Variants in KMT2C observed in about 807,000 individuals in gnomAD.
KMT2C encodes histone-lysine N-methyltransferase 2C.
Under a neutral mutation model 507.9 loss-of-function variants are expected in KMT2C, and 88 were observed. The observed-to-expected ratio is 0.17, with a 90% confidence interval of 0.15 to 0.21. KMT2C has a LOEUF of 0.21. Ranked by LOEUF, KMT2C falls within the 10% of genes least tolerant of loss-of-function variation. The pLI is 1.00. For missense variants in KMT2C, 4,954 were observed against 5,957.8 expected, an observed-to-expected ratio of 0.83 and a Z score of 5.55; for synonymous variants, 2,049 against 2,080.8, an observed-to-expected ratio of 0.98 and a Z score of 0.42.
intron 1 of KMT2C, among the ~76,000 whole-genome samples, chr7:152,383,449 T>C (rs973958993): frequency 1.3e-5 from 2 of 152,156 alleles, no homozygotes; most frequent in Non-Finnish European, 2.9e-5. Context: ...CACTTTGACA[T>C]AGGCTGAACC....
At chr7:152,239,743 TAAAAG>T (rs2095349942) in intron 14 of KMT2C, among the ~76,000 whole-genome samples, 1 of 152,032 alleles carries the variant, frequency 6.6e-6, no homozygotes, top group Non-Finnish European at 1.5e-5. Context: ...TGTCAAACAA[TAAAAG>T]AATATATTTT....
intron 2 of KMT2C, among the ~76,000 whole-genome samples, chr7:152,341,855 G>A (rs2096996780): frequency 6.6e-6 from 1 of 152,182 alleles, no homozygotes; most frequent in East Asian, 1.9e-4. Flanking sequence ...AATCTGTTGT[G>A]AATTAGCAGC....
At chr7:152,204,532 G>A (rs2094239472) in intron 25 of KMT2C, among the ~76,000 whole-genome samples, 1 of 152,006 alleles carries the variant, frequency 6.6e-6, no homozygotes, top group African/African-American at 2.4e-5. Context: ...AGGAGTGCAA[G>A]GCTGCAGTGA....
intron 15 of KMT2C, among the ~76,000 whole-genome samples, chr7:152,237,493 GTTTT>G (rs1301136534): frequency 4.6e-5 from 4 of 86,808 alleles, no homozygotes; most frequent in Admixed American, 1.2e-4. Context: ...TTTTTTGGGG[GTTTT>G]TTTTGTTTGT....
chr7:152,324,285 G>T (rs2096803511), intron 3 of KMT2C, among the ~76,000 whole-genome samples: 1 of 148,298 alleles, frequency 6.7e-6, no homozygotes, highest in South Asian at 2.3e-4. Context: ...AAAAGTAATG[G>T]CAAAAACCGC....
At chr7:152,226,496 T>C (rs1258331463) in intron 18 of KMT2C, among the ~76,000 whole-genome samples, 1 of 152,248 alleles carries the variant, frequency 6.6e-6, no homozygotes, top group East Asian at 1.9e-4. Flanking sequence ...CCTCCCAAAG[T>C]GCTGGGATGA....
At chr7:152,182,660 GA>G (rs2093471522) in intron 35 of KMT2C, 66 bp from the exon 36 acceptor site, 14 of 1,379,588 alleles carry the variant, frequency 1.0e-5, no homozygotes, top group African/African-American at 2.9e-5. Flanking sequence ...ATCATGGGGG[GA>G]AAAAGCAACA....
intron 31 of KMT2C, 76 bp from the exon 32 acceptor site, chr7:152,187,923 C>G (rs569873408): frequency 6.9e-7 from 1 of 1,448,888 alleles, no homozygotes; most frequent in East Asian, 2.3e-5. Context: ...GGCCCTTGAA[C>G]AACATGGTTT....
At chr7:152,262,665 A>G (rs2095799460) in intron 9 of KMT2C, among the ~76,000 whole-genome samples, 1 of 152,272 alleles carries the variant, frequency 6.6e-6, no homozygotes, top group African/African-American at 2.4e-5. Flanking sequence ...CAAAATAATT[A>G]CACTGAGTTA....
chr7:152,151,040 A>T (rs773796163), intron 50 of KMT2C, 33 bp from the exon 51 acceptor site: 3 of 1,287,262 alleles, frequency 2.3e-6, no homozygotes, highest in Non-Finnish European at 3.3e-6. Context: ...TGGGAATCTC[A>T]ACAAGTCAAA....
chr7:152,318,673 T>C (rs1308602693), intron 3 of KMT2C, among the ~76,000 whole-genome samples: 1 of 134,562 alleles, frequency 7.4e-6, no homozygotes, highest in Non-Finnish European at 1.6e-5. Flanking sequence ...GTTGGAAGTA[T>C]AAACACAAAT....
At chr7:152,400,578 A>G (rs2097566462) in intron 1 of KMT2C, among the ~76,000 whole-genome samples, 1 of 152,238 alleles carries the variant, frequency 6.6e-6, no homozygotes, top group African/African-American at 2.4e-5. Flanking sequence ...AATCCCTTCA[A>G]AACTCTGAGG....
At chr7:152,387,972 G>GAAT (rs2097447464) in intron 1 of KMT2C, among the ~76,000 whole-genome samples, 3 of 151,056 alleles carry the variant, frequency 2.0e-5, no homozygotes, top group African/African-American at 7.3e-5. Context: ...TATACCTTTA[G>GAAT]AATAAAAAAT....
intron 1 of KMT2C, among the ~76,000 whole-genome samples, chr7:152,418,185 C>T (rs189923346): frequency 1.3e-5 from 2 of 151,860 alleles, no homozygotes; most frequent in Admixed American, 1.3e-4. Context: ...GATGATCCAC[C>T]CACCTCAGCC....
intron 6 of KMT2C, among the ~76,000 whole-genome samples, chr7:152,307,318 CAG>C (rs1394355322): frequency 7.8e-5 from 8 of 102,882 alleles, no homozygotes; most frequent in African/African-American, 2.9e-4. Context: ...AGACGAAGGA[CAG>C]AAGAGGAAGG....
chr7:152,424,917 G>C (rs1431900750), intron 1 of KMT2C, among the ~76,000 whole-genome samples: 1 of 152,176 alleles, frequency 6.6e-6, no homozygotes, highest in Non-Finnish European at 1.5e-5. Flanking sequence ...GAGCTCCCAA[G>C]AGTACAAAAG....
At chr7:152,392,203 T>C (rs1469418525) in intron 1 of KMT2C, among the ~76,000 whole-genome samples, 1 of 152,102 alleles carries the variant, frequency 6.6e-6, no homozygotes, top group Non-Finnish European at 1.5e-5. Flanking sequence ...TGTTCTCCCC[T>C]ACCCCCCACA....
At chr7:152,339,721 T>C (rs2096972696) in intron 2 of KMT2C, among the ~76,000 whole-genome samples, 1 of 152,200 alleles carries the variant, frequency 6.6e-6, no homozygotes, top group African/African-American at 2.4e-5. Flanking sequence ...TTTGACTATA[T>C]GCTCTATGAA....
intron 24 of KMT2C, among the ~76,000 whole-genome samples, chr7:152,205,513 C>T (rs1044263063): frequency 4.2e-4 from 63 of 151,798 alleles, no homozygotes; most frequent in Middle Eastern, 6.8e-3. Context: ...CACTAAATTA[C>T]GCTGGCTTAT....
Sources: allele counts gnomAD v4.1 joint callset (sites outside exome capture counted in the v4.1 genomes callset), GRCh38; gene constraint gnomAD v4.1.1; transcripts MANE v1.5; gene names NCBI Gene and HGNC (gene_info 2026-07-23, HGNC 2026-07-21).